The following UBAP2 variants were observed in gnomAD, a reference collection of about 807,000 sequenced individuals.
The protein encoded by UBAP2 is ubiquitin associated protein 2.
UBAP2 carries 75 observed loss-of-function variants against 139.6 expected under a neutral mutation model. The ratio of observed to expected loss-of-function variants is 0.54; its 90% CI spans 0.45 to 0.65. The LOEUF (loss-of-function observed/expected upper bound fraction) is 0.65, where lower values mean the gene tolerates loss of function less well. UBAP2 is among the 30% of genes least tolerant of loss of function. The pLI, the probability that UBAP2 is intolerant of heterozygous loss-of-function variation, is 0.00. For missense variants in UBAP2, 1,368 were observed against 1,369.6 expected (o/e 1.00, Z 0.02); for synonymous variants, 526 against 526.2 (o/e 1.00, Z 0.01).
At chr9:33,979,512 T>C (rs1285461069) in intron 6 of UBAP2, among the ~76,000 whole-genome samples, 1 of 150,850 alleles carries the variant, frequency 6.6e-6, no homozygotes, top group Non-Finnish European at 1.5e-5. Flanking sequence ...GAGGCGGAGG[T>C]TGCGGTGAGC....
At chr9:33,982,363 CACTTACGACA>C (rs1386942284) in intron 6 of UBAP2, among the ~76,000 whole-genome samples, 1 of 152,222 alleles carries the variant, frequency 6.6e-6, no homozygotes, top group African/African-American at 2.4e-5. Context: ...CTCTGCTCCA[CACTTACGACA>C]ACTTACTATC....
intron 6 of UBAP2, among the ~76,000 whole-genome samples, chr9:33,973,783 A>T (rs1403221374): frequency 1.3e-5 from 2 of 152,252 alleles, no homozygotes; most frequent in Non-Finnish European, 2.9e-5. Flanking sequence ...AGCTAAAACT[A>T]TAAAACTCTC....
chr9:33,962,114 A>G (rs1423174719), intron 9 of UBAP2, among the ~76,000 whole-genome samples: 1 of 152,236 alleles, frequency 6.6e-6, no homozygotes, highest in East Asian at 1.9e-4. Context: ...GAAGATAAAC[A>G]TACACACACA....
At chr9:33,924,325 C>CT (rs775496234) in intron 22 of UBAP2, 41 bp from the exon 23 acceptor site, 131 of 1,588,434 alleles carry the variant, frequency 8.2e-5, no homozygotes, top group Non-Finnish European at 1.1e-4. Context: ...ACTGGCCCTG[C>CT]TTGACTCCCA....
At chr9:33,926,809 G>T (rs1448458427) in intron 21 of UBAP2, 145 bp from the exon 22 acceptor site, 2 of 1,022,770 alleles carry the variant, frequency 2.0e-6, no homozygotes, top group Non-Finnish European at 3.0e-6. Flanking sequence ...AACAGATCCT[G>T]CCTTCACGGA....
chr9:33,922,915 G>A, intron 27 of UBAP2, 37 bp from the exon 28 acceptor site: 1 of 1,613,638 alleles, frequency 6.2e-7, no homozygotes, highest in Non-Finnish European at 8.5e-7. Flanking sequence ...AGGTCAGGTT[G>A]GGCTGTAACC....
At chr9:33,997,815 A>C (rs1440312751) in intron 3 of UBAP2, 1 of 152,236 alleles carries the variant, frequency 6.6e-6, no homozygotes, top group South Asian at 2.1e-4. Context: ...AACTGTATGA[A>C]GATCTCATTC....
At chr9:33,939,047 G>C (rs1452666341) in intron 16 of UBAP2, among the ~76,000 whole-genome samples, 1 of 136,196 alleles carries the variant, frequency 7.3e-6, no homozygotes, top group Non-Finnish European at 1.6e-5. Flanking sequence ...ATGATGAAAA[G>C]ACAAAACATG....
intron 4 of UBAP2, among the ~76,000 whole-genome samples, chr9:33,991,635 T>C (rs1291051667): frequency 6.6e-6 from 1 of 152,236 alleles, no homozygotes; most frequent in Non-Finnish European, 1.5e-5. Context: ...CTTTAATATT[T>C]TTCTGCATTT....
intron 10 of UBAP2, among the ~76,000 whole-genome samples, chr9:33,959,410 G>A (rs1051186884): frequency 1.3e-5 from 2 of 152,162 alleles, no homozygotes; most frequent in Non-Finnish European, 2.9e-5. Context: ...ATCTCAAAGT[G>A]TGCGTCATTG....
At chr9:34,040,788 T>C (rs113784973) in intron 1 of UBAP2, among the ~76,000 whole-genome samples, 3,363 of 152,306 alleles carry the variant, frequency 0.022, 131 homozygotes, top group African/African-American at 0.076. Flanking sequence ...GTGTATAAGC[T>C]GAACTTTTTC....
intron 1 of UBAP2, among the ~76,000 whole-genome samples, chr9:34,022,694 C>T (rs541201372): frequency 6.6e-6 from 1 of 152,104 alleles, no homozygotes; most frequent in East Asian, 1.9e-4. Context: ...CAGCCTCAGC[C>T]TCCAAAGTGC....
intron 1 of UBAP2, among the ~76,000 whole-genome samples, chr9:34,027,850 A>G (rs1825544809): frequency 7.9e-6 from 1 of 127,130 alleles, no homozygotes; most frequent in Non-Finnish European, 1.6e-5. Flanking sequence ...CGACAGAGCG[A>G]GACTCCATCT....
chr9:34,036,980 CTATTT>C (rs1826465649), intron 1 of UBAP2, among the ~76,000 whole-genome samples: 1 of 107,312 alleles, frequency 9.3e-6, no homozygotes, highest in Admixed American at 1.2e-4. Flanking sequence ...CCACACCCAG[CTATTT>C]TTTTTTTTTT....
At chr9:33,989,441 T>G (rs1386356225) in intron 4 of UBAP2, among the ~76,000 whole-genome samples, 4 of 152,204 alleles carry the variant, frequency 2.6e-5, no homozygotes, top group Non-Finnish European at 4.4e-5. Flanking sequence ...GACCTCGTGA[T>G]CTGCCCGCCT....
At chr9:34,016,930 C>A (rs1824406659) in intron 2 of UBAP2, 120 bp downstream of exon 2, 1 of 701,702 alleles carries the variant, frequency 1.4e-6, no homozygotes, top group South Asian at 2.3e-5. Flanking sequence ...ATCATATGCT[C>A]TCCCTTAATT....
rs73479261 is a variant in UBAP2, at chr9:33,963,597, T to C, written c.745+129A>G. Reference sequence around the variant, plus strand: ...GCAAACTGCAAATCTGATTACCAAATAAATAGGTATAGTTTACAAACATTT... The same window carrying C: ...GCAAACTGCAAATCTGATTACCAAACAAATAGGTATAGTTTACAAACATTT... On this transcript the variant is annotated intron_variant, in intron 9 of 28. Coordinates refer to ENST00000379238, the MANE Select transcript of UBAP2 (RefSeq NM_001370062.2). 531 of 546,408 alleles carry C rather than the reference T, an allele frequency of 9.7e-4. 4 individuals are homozygous for C. The highest frequency in any genetic ancestry group is 9.0e-3 in the African/African-American group (476 of 53,172). 33.8% of individuals were successfully genotyped at this position (546,408 alleles called of 1,614,324 possible). A position where few individuals can be genotyped will look rare whatever the true frequency, so the allele number is the denominator to read the frequency against.
At chr9:33,995,159 C>G (rs1195100732) in intron 4 of UBAP2, 3 of 151,790 alleles carry the variant, frequency 2.0e-5, no homozygotes, top group African/African-American at 7.3e-5. Flanking sequence ...GAGTTTGAGA[C>G]CAGTCTGGCC....
rs558265030 is a variant in UBAP2 at position 33,992,663 on chromosome 9, G to A, written c.289-3537C>T. ...AAAGACAACTTATCGGGCGGAGGGG[G>A]GGGGGCACAAATAGGGAAAAGAACC... is the stretch of plus-strand genomic sequence containing the variant. On this transcript the variant is annotated intron_variant, in intron 4 of 28. Coordinates refer to ENST00000379238, the MANE Select transcript of UBAP2 (RefSeq NM_001370062.2). Among the ~76,000 whole-genome samples, 110 of 148,524 alleles carry A rather than the reference G, an allele frequency of 7.4e-4. 2 individuals carry two copies. Among genetic ancestry groups the A allele is most frequent in the Non-Finnish European group, 1.2e-3 (81 of 66,824 alleles).
Sources: gnomAD v4.1 joint callset for allele counts (sites outside exome capture counted in the v4.1 genomes callset) on GRCh38, gnomAD v4.1.1 for gene constraint, MANE v1.5 for transcripts, NCBI Gene and HGNC (gene_info 2026-07-23, HGNC 2026-07-21) for gene names.